ELMO1: variants seen among roughly 807,000 people sequenced by gnomAD.
The protein encoded by ELMO1 is engulfment and cell motility protein 1.
In ELMO1, 26 loss-of-function variants were observed where a neutral mutation model predicts 98.9. The ratio of observed to expected loss-of-function variants is 0.26; its 90% CI spans 0.19 to 0.36. The LOEUF is 0.36. ELMO1 is among the 10% of genes least tolerant of loss of function. ELMO1 has a pLI of 1.00. For missense variants in ELMO1, 627 were observed against 935.2 expected (o/e 0.67, Z 4.30); for synonymous variants, 346 against 346.0 (o/e 1.00, Z 0.00).
At chr7:37,263,687 A>C (rs1323706872) in intron 5 of ELMO1, among the ~76,000 whole-genome samples, 1 of 152,196 alleles carries the variant, frequency 6.6e-6, no homozygotes, top group Non-Finnish European at 1.5e-5. Context: ...TCTGGGCAGC[A>C]TCAATGGTTA....
chr7:36,979,567 T>A (rs548396875), intron 16 of ELMO1, among the ~76,000 whole-genome samples: 1 of 152,290 alleles, frequency 6.6e-6, no homozygotes, highest in South Asian at 2.1e-4. Context: ...TCTCTAAAGC[T>A]AAAAGGTGTG....
At chr7:36,924,690 G>C (rs376174938) in intron 16 of ELMO1, among the ~76,000 whole-genome samples, 1 of 152,296 alleles carries the variant, frequency 6.6e-6, no homozygotes, top group South Asian at 2.1e-4. Flanking sequence ...TTATAGGGGG[G>C]AGGAAGAGTG....
At chr7:37,365,268 T>G (rs1432306300) in intron 1 of ELMO1, among the ~76,000 whole-genome samples, 1 of 152,134 alleles carries the variant, frequency 6.6e-6, no homozygotes, top group Non-Finnish European at 1.5e-5. Flanking sequence ...TAAAAGAGGT[T>G]GTTTTGCTGA....
At chr7:37,005,072 G>A (rs1308928360) in intron 16 of ELMO1, among the ~76,000 whole-genome samples, 2 of 121,240 alleles carry the variant, frequency 1.6e-5, no homozygotes, top group East Asian at 2.4e-4. Context: ...TCACGCCACC[G>A]CACTCCAGCC....
At chr7:37,306,192 T>C (rs1798605929) in intron 4 of ELMO1, among the ~76,000 whole-genome samples, 1 of 152,210 alleles carries the variant, frequency 6.6e-6, no homozygotes, top group Admixed American at 6.5e-5. Context: ...TTCATCTCTT[T>C]ATCCTTAGCA....
Position 36,870,539 on chromosome 7 carries a change from A to C in ELMO1, c.1823-64T>G. On this transcript the variant is annotated intron_variant, in intron 19 of 21. Coordinates refer to ENST00000310758, the MANE Select transcript of ELMO1 (RefSeq NM_014800.11). The surrounding 1 kb of genome is among the most constrained non-coding windows in gnomAD (Gnocchi z 4.4). ...GTGAAAACTTTGATGTCAATAAAGAAACAGGACTAAGCACTGGGTCCGCTA... is the reference window on the plus strand; with the variant it reads ...GTGAAAACTTTGATGTCAATAAAGACACAGGACTAAGCACTGGGTCCGCTA... The C allele has an allele frequency of 1.3e-6, 2 of 1,511,364 alleles. No individual in the cohort carries two copies. Among genetic ancestry groups the C allele is most frequent in the South Asian group, 2.3e-5 (2 of 86,294 alleles). 93.6% of individuals were successfully genotyped at this position (1,511,364 alleles called of 1,614,324 possible).
chr7:37,183,093 A>G (rs1790983420), intron 13 of ELMO1, among the ~76,000 whole-genome samples: 1 of 152,210 alleles, frequency 6.6e-6, no homozygotes, highest in Non-Finnish European at 1.5e-5. Flanking sequence ...ATACACTAGA[A>G]CAATTTTAAA....
At chr7:37,339,259 T>C (rs535292490) in intron 2 of ELMO1, among the ~76,000 whole-genome samples, 215 of 152,342 alleles carry the variant, frequency 1.4e-3, no homozygotes, top group African/African-American at 5.0e-3. Flanking sequence ...CAGCTGGGGC[T>C]GCATTTTGCA....
intron 16 of ELMO1, among the ~76,000 whole-genome samples, chr7:36,946,197 T>C (rs1214216506): frequency 6.6e-6 from 1 of 152,244 alleles, no homozygotes; most frequent in Non-Finnish European, 1.5e-5. Context: ...TATAGAAACT[T>C]GTTTGTGCAA....
At chr7:37,352,525 CT>C (rs1321589734) in intron 1 of ELMO1, among the ~76,000 whole-genome samples, 13 of 151,704 alleles carry the variant, frequency 8.6e-5, no homozygotes, top group Middle Eastern at 3.4e-3. Context: ...GTCCAGAAAA[CT>C]TTTTTTTTAA....
At chr7:37,228,724 C>T (rs756304710) in intron 8 of ELMO1, among the ~76,000 whole-genome samples, 5 of 152,068 alleles carry the variant, frequency 3.3e-5, no homozygotes, top group East Asian at 1.9e-4. Context: ...CATGGAGGGC[C>T]GGGCACAGTG....
At chr7:37,398,948 A>G (rs989561726) in intron 1 of ELMO1, among the ~76,000 whole-genome samples, 4 of 152,100 alleles carry the variant, frequency 2.6e-5, no homozygotes, top group Admixed American at 2.0e-4. Context: ...GCAGTATCCC[A>G]TATGTACTTT....
intron 16 of ELMO1, among the ~76,000 whole-genome samples, chr7:36,911,242 C>T (rs1056903807): frequency 1.7e-4 from 26 of 152,128 alleles, no homozygotes; most frequent in Middle Eastern, 3.2e-3. Context: ...AAGATCAATG[C>T]GTCCTTTCCT....
At chr7:37,385,210 C>A (rs1200550761) in intron 1 of ELMO1, among the ~76,000 whole-genome samples, 2 of 152,234 alleles carry the variant, frequency 1.3e-5, no homozygotes, top group Non-Finnish European at 2.9e-5. Context: ...TAAGTCAGGT[C>A]ATGTGGCTGC....
At chr7:36,982,524 T>C (rs746722399) in intron 16 of ELMO1, among the ~76,000 whole-genome samples, 1 of 152,220 alleles carries the variant, frequency 6.6e-6, no homozygotes, top group Non-Finnish European at 1.5e-5. Flanking sequence ...ATCTGCTATA[T>C]TGTCCCTGTA....
At chr7:37,331,175 C>CT (rs773250872) in intron 2 of ELMO1, among the ~76,000 whole-genome samples, 69,622 of 144,320 alleles carry the variant, frequency 0.48, 17,786 homozygotes, top group Non-Finnish European at 0.58. Context: ...CTGCATTTTT[C>CT]TTTTTTTTTT....
intron 1 of ELMO1, among the ~76,000 whole-genome samples, chr7:37,416,018 A>G (rs1804199082): frequency 6.6e-6 from 1 of 152,274 alleles, no homozygotes; most frequent in Admixed American, 6.5e-5. Context: ...CCAGCATTTC[A>G]GATTATCAGT....
intron 1 of ELMO1, among the ~76,000 whole-genome samples, chr7:37,381,756 G>C (rs1218058136): frequency 6.6e-6 from 1 of 152,088 alleles, no homozygotes; most frequent in African/African-American, 2.4e-5. Flanking sequence ...TCTTCAACAG[G>C]GTTCCAGGAT....
chr7:37,255,365 C>T (rs1262598741), intron 6 of ELMO1, among the ~76,000 whole-genome samples: 1 of 152,202 alleles, frequency 6.6e-6, no homozygotes, highest in African/African-American at 2.4e-5. Flanking sequence ...ACCAACCCTG[C>T]CAACACCTTG....
Sources: allele counts gnomAD v4.1 joint callset (sites outside exome capture counted in the v4.1 genomes callset), GRCh38; gene constraint gnomAD v4.1.1; non-coding constraint Gnocchi (gnomAD v3.1); transcripts MANE v1.5; gene names NCBI Gene and HGNC (gene_info 2026-07-23, HGNC 2026-07-21).